Variants in CHD1L observed in about 807,000 individuals in gnomAD.
CHD1L encodes chromodomain helicase DNA binding protein 1 like.
In CHD1L, 118 loss-of-function variants were observed where a neutral mutation model predicts 115.9. The ratio of observed to expected loss-of-function variants is 1.02; its 90% CI spans 0.88 to 1.19. CHD1L has a LOEUF of 1.19. CHD1L is among the 50% of genes most tolerant of loss of function. CHD1L has a pLI of 0.00. For missense variants in CHD1L, 1,179 were observed against 1,065.3 expected (o/e 1.11, Z -1.49); for synonymous variants, 411 against 387.1 (o/e 1.06, Z -0.72).
At chr1:147,242,616 C>T, upstream of CHD1L, 1 of 1,207,214 alleles carries the variant, frequency 8.3e-7, no homozygotes, top group South Asian at 4.3e-5. Flanking sequence ...TAGGTGGGCC[C>T]CAGCGCGCAG....
chr1:147,179,331 TG>T, the CHD1L span: 2 of 1,605,772 alleles, frequency 1.2e-6, no homozygotes, highest in Non-Finnish European at 1.7e-6. Flanking sequence ...CCCCTTGGTG[TG>T]GTCACTGTAA....
chr1:147,186,790 A>G, the CHD1L span: 1 of 1,497,580 alleles, frequency 6.7e-7, no homozygotes, highest in South Asian at 1.4e-5. Context: ...CGAAAGAGAC[A>G]TTAAAGTAGA....
intron 17 of CHD1L, among the ~76,000 whole-genome samples, chr1:147,286,030 A>C (rs140789692): frequency 6.6e-6 from 1 of 152,282 alleles, no homozygotes; most frequent in East Asian, 1.9e-4. Flanking sequence ...TATTGTAGCT[A>C]TCTGACAAAG....
At chr1:147,253,532 CT>C (rs1669081501) in intron 2 of CHD1L, among the ~76,000 whole-genome samples, 1 of 152,236 alleles carries the variant, frequency 6.6e-6, no homozygotes, top group Admixed American at 6.5e-5. Flanking sequence ...GAGACAGGGT[CT>C]TGCTCTGTCA....
intron 11 of CHD1L, among the ~76,000 whole-genome samples, chr1:147,271,530 A>C (rs1477244631): frequency 6.6e-6 from 1 of 152,234 alleles, no homozygotes; most frequent in African/African-American, 2.4e-5. Flanking sequence ...AGGCTCTAAC[A>C]TGAGTTGATC....
At position 147,280,236 on chromosome 1, in the gene CHD1L, G is replaced by C. The variant is rs587658562; in HGVS notation, c.1705+45G>C. On this transcript the variant is annotated intron_variant, in intron 15 of 22. Coordinates refer to ENST00000369258, the MANE Select transcript of CHD1L (RefSeq NM_004284.6). ...AGAGCAAATGGCACAACCACCCCAAGCTAGAGCTCACGTCCCCATGGAAAG... is the reference window on the plus strand; with the variant it reads ...AGAGCAAATGGCACAACCACCCCAACCTAGAGCTCACGTCCCCATGGAAAG... 166 of 1,512,264 alleles carry C rather than the reference G, an allele frequency of 1.1e-4. 1 individual carries two copies. In the South Asian group the frequency reaches 2.1e-3, roughly 19 times the overall value. 93.7% of individuals were successfully genotyped at this position (1,512,264 alleles called of 1,614,324 possible). A position where few individuals can be genotyped will look rare whatever the true frequency, so the allele number is the denominator to read the frequency against.
chr1:147,197,867 G>C, the CHD1L span, among the ~76,000 whole-genome samples: 37 of 152,262 alleles, frequency 2.4e-4, no homozygotes, highest in South Asian at 2.5e-3. Context: ...CTAGCAGAAG[G>C]CCTGGTACAT....
chr1:147,204,571 A>G, the CHD1L span: 2 of 1,590,022 alleles, frequency 1.3e-6, no homozygotes, highest in African/African-American at 1.3e-5. Flanking sequence ...TGACAGGCCA[A>G]TCCTCAGAAG....
At chr1:147,188,151 T>C in the CHD1L span, among the ~76,000 whole-genome samples, 1 of 152,286 alleles carries the variant, frequency 6.6e-6, no homozygotes, top group Middle Eastern at 3.4e-3. Flanking sequence ...TTTGAGAGCT[T>C]TCCCTTATGA....
the CHD1L span, chr1:147,203,918 G>A: frequency 9.2e-6 from 14 of 1,528,042 alleles, no homozygotes; most frequent in Non-Finnish European, 1.3e-5. Flanking sequence ...TTCAAGGACA[G>A]GAGGTGTCAA....
intron 1 of CHD1L, 67 bp from the exon 2 acceptor site, chr1:147,252,556 T>C: frequency 1.6e-6 from 2 of 1,247,062 alleles, no homozygotes; most frequent in African/African-American, 1.5e-5. Flanking sequence ...ATTCAAACTC[T>C]TAGAACATTG....
chr1:147,216,213 A>G, the CHD1L span, among the ~76,000 whole-genome samples: 1 of 152,166 alleles, frequency 6.6e-6, no homozygotes, highest in South Asian at 2.1e-4. Flanking sequence ...GGGTCTCAGA[A>G]AGCTCGCTCT....
chr1:147,290,878 T>A (rs75271723), intron 19 of CHD1L, among the ~76,000 whole-genome samples: 3,477 of 152,028 alleles, frequency 0.023, 63 homozygotes, highest in Admixed American at 0.041. Flanking sequence ...AGTCTGGAAC[T>A]CTGGCTTCCA....
At chr1:147,190,193 C>G in the CHD1L span, 2 of 1,610,390 alleles carry the variant, frequency 1.2e-6, no homozygotes, top group Non-Finnish European at 1.7e-6. Flanking sequence ...TCAATTTCCT[C>G]TTGAGCTTTA....
chr1:147,178,883 G>A, the CHD1L span: 6 of 1,573,714 alleles, frequency 3.8e-6, no homozygotes, highest in African/African-American at 4.0e-5. Flanking sequence ...TTGATACAGG[G>A]CAAGGACTTA....
the CHD1L span, chr1:147,179,058 C>T: frequency 6.2e-7 from 1 of 1,613,534 alleles, no homozygotes; most frequent in African/African-American, 1.3e-5. Context: ...CTGATTTTGG[C>T]TTGGAGAGCA....
At chr1:147,173,020 T>A in the CHD1L span, 2 of 152,718 alleles carry the variant, frequency 1.3e-5, no homozygotes, top group East Asian at 3.9e-4. Flanking sequence ...AAAACTGTTC[T>A]GACCGGGCGC....
the CHD1L span, chr1:147,173,586 G>A: frequency 6.6e-6 from 1 of 152,232 alleles, no homozygotes; most frequent in Non-Finnish European, 1.5e-5. Flanking sequence ...GACAGCCCTA[G>A]GGTTGGGAGG....
chr1:147,175,397 C>G, the CHD1L span: 1 of 152,160 alleles, frequency 6.6e-6, no homozygotes, highest in Non-Finnish European at 1.5e-5. Context: ...AATCTCATCT[C>G]AAATTGTAAT....
Sources: gnomAD v4.1 joint callset for allele counts (sites outside exome capture counted in the v4.1 genomes callset) on GRCh38, gnomAD v4.1.1 for gene constraint, MANE v1.5 for transcripts, NCBI Gene and HGNC (gene_info 2026-07-23, HGNC 2026-07-21) for gene names.